Variants in LMO2 observed in about 807,000 individuals in gnomAD.
LMO2 encodes LIM domain only 2.
In LMO2, 20 loss-of-function variants were observed where a neutral mutation model predicts 23.2. That is an observed-to-expected ratio of 0.86 (90% confidence interval 0.61 to 1.25). LMO2 has a LOEUF of 1.25. LMO2 is among the 50% of genes most tolerant of loss of function. LMO2 has a pLI of 0.00. For missense variants in LMO2, 270 were observed against 315.3 expected, an observed-to-expected ratio of 0.86 and a Z score of 1.09; for synonymous variants, 123 against 130.2, an observed-to-expected ratio of 0.94 and a Z score of 0.38.
In LMO2 at chr11:33,858,865, G is replaced by A. The variant is rs1427769997; in HGVS notation, c.*491C>T. 8.6e-6 allele frequency: 2 copies of A among 232,544 alleles called. No individual in the cohort carries two copies. Among genetic ancestry groups the A allele is most frequent in the African/African-American group, 2.2e-5 (1 of 45,150 alleles). The allele number at this position is 232,544 out of a possible 1,614,324, so 14.4% of individuals were successfully genotyped here. On this transcript the variant is annotated 3_prime_UTR_variant, in exon 6 of 6. Transcript: ENST00000257818. ...TCCAAAGCTTAAGGCCTTGGGAAGG[G>A]GGCCAAGAAAAAAAGAATGGCCACT...
chr11:33,877,138 C>T (rs1206484241), intron 2 of LMO2, among the ~76,000 whole-genome samples: 1 of 152,208 alleles, frequency 6.6e-6, no homozygotes, highest in Non-Finnish European at 1.5e-5. Flanking sequence ...TCTTGTCTTA[C>T]CTCTCCTGGT....
intron 1 of LMO2, among the ~76,000 whole-genome samples, chr11:33,882,575 C>T (rs1188874609): frequency 6.6e-6 from 1 of 152,164 alleles, no homozygotes; most frequent in Non-Finnish European, 1.5e-5. Flanking sequence ...ACGCAGACAC[C>T]GTATTACCTA....
At chr11:33,859,660 G>T in intron 5 of LMO2, 85 bp from the exon 6 acceptor site, 1 of 1,277,718 alleles carries the variant, frequency 7.8e-7, no homozygotes, top group Non-Finnish European at 1.1e-6. Context: ...CTAGAAAGGA[G>T]GCCGAACTTT....
intron 4 of LMO2, among the ~76,000 whole-genome samples, chr11:33,868,408 G>A (rs1252844735): frequency 2.6e-5 from 4 of 152,190 alleles, no homozygotes; most frequent in Non-Finnish European, 5.9e-5. Context: ...AAGGATTAGA[G>A]GGGGACTTCA....
intron 4 of LMO2, 75 bp downstream of exon 4, chr11:33,869,270 GC>G: frequency 9.2e-7 from 1 of 1,088,352 alleles, no homozygotes; most frequent in Non-Finnish European, 1.1e-6. Flanking sequence ...CTCGCGGGCC[GC>G]CCGGGTCCCC....
intron 1 of LMO2, among the ~76,000 whole-genome samples, chr11:33,886,523 G>C (rs545013531): frequency 1.3e-5 from 2 of 152,158 alleles, no homozygotes; most frequent in Non-Finnish European, 2.9e-5. Context: ...GCGCTGAGTA[G>C]GGAAACTGTG....
intron 2 of LMO2, among the ~76,000 whole-genome samples, chr11:33,873,768 C>T (rs1857077024): frequency 6.6e-6 from 1 of 152,172 alleles, no homozygotes; most frequent in South Asian, 2.1e-4. Flanking sequence ...ATGAATCAAT[C>T]TACACGATGG....
rs1387829968 is a variant in LMO2 at position 33,869,886 on chromosome 11, G to A, written c.-170C>T. The A allele has an allele frequency of 1.9e-6, 2 of 1,050,024 alleles. No individual in the cohort carries two copies. Among genetic ancestry groups the A allele is most frequent in the Non-Finnish European group, 2.3e-6 (2 of 871,654 alleles). The allele number at this position is 1,050,024 out of a possible 1,614,324, so 65.0% of individuals were successfully genotyped here. ...GGGCAGAGAGGGGGCGGCGGCCTAG[G>A]GGCGGGGAGGGGACCGTGCGTCTCT... On this transcript the variant is annotated 5_prime_UTR_variant, in exon 3 of 6. Transcript: ENST00000257818.
intron 4 of LMO2, among the ~76,000 whole-genome samples, chr11:33,866,879 A>G (rs1384999524): frequency 2.0e-5 from 3 of 152,092 alleles, no homozygotes; most frequent in South Asian, 4.1e-4. Flanking sequence ...CTTTGTTTCT[A>G]CAGATTGTAT....
At position 33,864,755 on chromosome 11, in the gene LMO2, T is replaced by C. The variant is rs1239274644; in HGVS notation, c.311A>G (p.Gln104Arg). The C allele has an allele frequency of 1.9e-6, 3 of 1,613,976 alleles. No homozygotes were observed. The South Asian group carries it at 3.3e-5, about 18-fold the overall frequency. ...CAGGAAGTAGCGGTCCCCAATGTTC[T>C]GCTGGCAGCCGCCGCATGTCAGCAG... Reference protein sequence around the residue: ...PSLLTCGGCQQNIGDRYFLKA... With the variant: ...PSLLTCGGCQRNIGDRYFLKA... The change falls in exon 5 of 6, where the codon CAG becomes CGG. Residue 104 changes from glutamine (Q) to arginine (R), a missense_variant. By Grantham distance (43) the Gln-to-Arg change is conservative. Transcript: ENST00000257818. The surrounding 1 kb of genome is among the most constrained non-coding windows in gnomAD (Gnocchi z 4.8).
chr11:33,862,143 G>A (rs545001738), intron 5 of LMO2, among the ~76,000 whole-genome samples: 1 of 152,304 alleles, frequency 6.6e-6, no homozygotes, highest in East Asian at 1.9e-4. Context: ...GAAGGCAGCA[G>A]GGGAGGCTGG....
rs1264872804 is a variant in LMO2, at chr11:33,869,201, G to A, written c.248+145C>T. 2.4e-5 allele frequency: 11 copies of A among 451,480 alleles called. No individual in the cohort carries two copies. The East Asian group carries it at 7.2e-4, about 30-fold the overall frequency. 28.0% of individuals were successfully genotyped at this position (451,480 alleles called of 1,614,324 possible). The stretch of plus-strand genomic sequence containing the variant: ...CCCGGAATCACCCGGGAGGAAGGAG[G>A]AGCCCAGCGCTCGGCACAGGGGGCC... On this transcript the variant is annotated intron_variant, in intron 4 of 5. Transcript: ENST00000257818.
At position 33,864,785 on chromosome 11, in the gene LMO2, G is replaced by A. The variant is rs768124228; in HGVS notation, c.281C>T (p.Pro94Leu). The A allele has an allele frequency of 4.3e-5, 69 of 1,612,402 alleles. No homozygotes were observed. The highest frequency in any genetic ancestry group is 5.6e-5 in the Non-Finnish European group (66 of 1,179,028). Residue 94 changes from proline to leucine, a missense_variant, in exon 5 of 6, where the codon CCA (proline) becomes CTA (leucine). This residue lies in a region of LMO2 where 170 missense variants were observed against 162.0 expected (regional missense o/e 1.05). Transcript: ENST00000257818. The surrounding 1 kb of genome is among the most constrained non-coding windows in gnomAD (Gnocchi z 4.8). ...GCAGCCGCCGCATGTCAGCAGGGAT[G>A]GGGGGATCTGCAGCACCTCATCCAC... is the stretch of plus-strand genomic sequence containing the variant. The part of the protein sequence containing the change: ...EPVDEVLQIP[P>L]SLLTCGGCQQ...
In LMO2 at chr11:33,859,369, T is replaced by C; in HGVS notation, c.671A>G (p.Asn224Ser). The C allele has an allele frequency of 1.2e-6, 2 of 1,613,712 alleles. No homozygotes were observed. The highest frequency in any genetic ancestry group is 1.7e-6 in the Non-Finnish European group (2 of 1,179,650). Residue 224 changes from asparagine to serine, a missense_variant, in exon 6 of 6, where the codon AAT becomes AGT. This residue lies in a region of LMO2 where 100 missense variants were observed against 153.3 expected (regional missense o/e 0.65). Transcript: ENST00000257818. ...EQDIYEWTKI[N>S]GMI is the part of the protein sequence containing the mutation. ...GGGGACTCGGGCCTATATCATCCCA[T>C]TGATCTTAGTCCACTCGTAGATGTC... is the stretch of plus-strand genomic sequence containing the variant.
At position 33,869,856 on chromosome 11, in the gene LMO2, G is replaced by A; in HGVS notation, c.-140C>T. 1 of 1,057,666 alleles carries A rather than the reference G, an allele frequency of 9.5e-7. No individual in the cohort carries two copies. Among genetic ancestry groups the A allele is most frequent in the Non-Finnish European group, 1.1e-6 (1 of 877,468 alleles). The allele number at this position is 1,057,666 out of a possible 1,614,324, so 65.5% of individuals were successfully genotyped here. A position where few individuals can be genotyped will look rare whatever the true frequency, so the allele number is the denominator to read the frequency against. On this transcript the variant is annotated 5_prime_UTR_variant, in exon 3 of 6. Transcript: ENST00000257818. ...CCCGGGTCGCGGCGCGCTGCTCGCC[G>A]CCGAGGGCAGAGAGGGGGCGGCGGC... is the stretch of plus-strand genomic sequence containing the variant.
chr11:33,874,829 A>C (rs1418415977), intron 2 of LMO2, among the ~76,000 whole-genome samples: 1 of 152,226 alleles, frequency 6.6e-6, no homozygotes, highest in Non-Finnish European at 1.5e-5. Context: ...CCCTGATTTC[A>C]TCTGATTTTC....
At chr11:33,865,984 G>T (rs1489368854) in intron 4 of LMO2, among the ~76,000 whole-genome samples, 1 of 152,192 alleles carries the variant, frequency 6.6e-6, no homozygotes, top group Non-Finnish European at 1.5e-5. Flanking sequence ...TCAAAAAACA[G>T]ACCTTCTTCC....
intron 2 of LMO2, chr11:33,871,078 T>C: frequency 1.0e-6 from 1 of 984,318 alleles, no homozygotes; most frequent in Non-Finnish European, 1.2e-6. Flanking sequence ...TCAGTCTGGA[T>C]CATAGGCATA....
intron 2 of LMO2, chr11:33,881,033 C>A (rs1857268514): frequency 2.7e-6 from 1 of 370,596 alleles, no homozygotes; most frequent in South Asian, 2.0e-5. Context: ...GCTCAATATT[C>A]TTCTAGATAT....
Sources: allele counts gnomAD v4.1 joint callset (sites outside exome capture counted in the v4.1 genomes callset), GRCh38; gene constraint gnomAD v4.1.1; regional missense constraint gnomAD v4.1.1; non-coding constraint Gnocchi (gnomAD v3.1); transcripts MANE v1.5; gene names NCBI Gene and HGNC (gene_info 2026-07-23, HGNC 2026-07-21).